Variants in SLC49A4 observed in about 807,000 individuals in gnomAD.
SLC49A4 encodes the protein solute carrier family 49 member 4.
SLC49A4 carries 36 observed loss-of-function variants against 50.6 expected under a neutral mutation model. That is an observed-to-expected ratio of 0.71 (90% CI 0.55 to 0.94). The LOEUF (loss-of-function observed/expected upper bound fraction) is 0.94. Ranked by LOEUF, SLC49A4 falls within the 40% of genes least tolerant of loss-of-function variation. The pLI is 0.00. For missense variants in SLC49A4, 503 were observed against 605.7 expected (o/e 0.83, Z 1.78); for synonymous variants, 248 against 241.2 (o/e 1.03, Z -0.26).
In SLC49A4 at chr3:122,843,183, T is replaced by C. The variant is rs1365580656; in HGVS notation, c.834-2580T>C. Reference sequence around the variant, plus strand: ...TTATGCCATATTGTGCATATCATTCTGTTTGACATTTTTCACTAAGCACTA... The same window carrying C: ...TTATGCCATATTGTGCATATCATTCCGTTTGACATTTTTCACTAAGCACTA... On this transcript the variant is annotated intron_variant, in intron 4 of 8. Transcript: ENST00000261038. Among the ~76,000 whole-genome samples the C allele has an allele frequency of 1.3e-5, 2 of 152,260 alleles. 1 individual carries two copies. Among genetic ancestry groups the C allele is most frequent in the African/African-American group, 4.8e-5 (2 of 41,466 alleles).
At chr3:122,843,462 T>C (rs1936803332) in intron 4 of SLC49A4, among the ~76,000 whole-genome samples, 1 of 152,214 alleles carries the variant, frequency 6.6e-6, no homozygotes, top group Admixed American at 6.5e-5. Flanking sequence ...TTTTAACATA[T>C]AGTGCCGTTA....
At position 122,880,454 on chromosome 3, in the gene SLC49A4, T is replaced by C. The variant is rs1320177783; in HGVS notation, c.*1076T>C. On this transcript the variant is annotated 3_prime_UTR_variant, in exon 9 of 9. Coordinates refer to ENST00000261038, the MANE Select transcript of SLC49A4 (RefSeq NM_032839.3). ...CTACAGAAGATAGCTTTTTAAGAAATAAGAGTTCCACATTGAGTGGCTGTC... is the reference window on the plus strand; with the variant it reads ...CTACAGAAGATAGCTTTTTAAGAAACAAGAGTTCCACATTGAGTGGCTGTC... 1 of 152,152 alleles carries C rather than the reference T, an allele frequency of 6.6e-6. No homozygotes were observed. Among genetic ancestry groups the C allele is most frequent in the Non-Finnish European group, 1.5e-5 (1 of 68,034 alleles). The allele number at this position is 152,152 out of a possible 1,614,324, so 9.4% of individuals were successfully genotyped here. A position where few individuals can be genotyped will look rare whatever the true frequency, so the allele number is the denominator to read the frequency against.
intron 6 of SLC49A4, 114 bp from the exon 7 acceptor site, chr3:122,859,957 ACTGT>A: frequency 1.1e-6 from 1 of 946,310 alleles, no homozygotes. Context: ...AACACTGAAA[ACTGT>A]CTTTTAAAAG....
intron 5 of SLC49A4, among the ~76,000 whole-genome samples, chr3:122,850,200 G>A (rs1286870431): frequency 6.6e-6 from 1 of 151,818 alleles, no homozygotes; most frequent in Non-Finnish European, 1.5e-5. Context: ...TCTAGCCAAC[G>A]ACTGTTTGAG....
At chr3:122,842,485 CAAAAAAAAAAAAAAAA>C (rs34914829) in intron 4 of SLC49A4, among the ~76,000 whole-genome samples, 1 of 58,758 alleles carries the variant, frequency 1.7e-5, no homozygotes, top group East Asian at 5.8e-4. Context: ...GACTCCGTCT[CAAAAAAAAAAAAAAAA>C]AAAAAAAAAA....
intron 3 of SLC49A4, among the ~76,000 whole-genome samples, chr3:122,829,474 C>G (rs888644516): frequency 4.6e-5 from 7 of 152,324 alleles, no homozygotes; most frequent in Non-Finnish European, 8.8e-5. Context: ...CACAAGAGGC[C>G]TGGCACAGTG....
intron 4 of SLC49A4, among the ~76,000 whole-genome samples, chr3:122,840,128 A>C (rs1384618301): frequency 6.6e-6 from 1 of 152,212 alleles, no homozygotes; most frequent in Non-Finnish European, 1.5e-5. Flanking sequence ...AAGTGAAGTA[A>C]CTCAGGAATG....
intron 7 of SLC49A4, among the ~76,000 whole-genome samples, chr3:122,867,058 T>C (rs1209918554): frequency 1.3e-5 from 2 of 152,244 alleles, no homozygotes; most frequent in Non-Finnish European, 2.9e-5. Context: ...AGCCTCCACG[T>C]AATAGGTATC....
At chr3:122,819,334 T>G (rs1030381915) in intron 2 of SLC49A4, among the ~76,000 whole-genome samples, 1 of 151,982 alleles carries the variant, frequency 6.6e-6, no homozygotes, top group African/African-American at 2.4e-5. Flanking sequence ...AAAGATTATA[T>G]GGTTAATAAA....
intron 6 of SLC49A4, among the ~76,000 whole-genome samples, chr3:122,856,588 G>A (rs982106125): frequency 1.3e-5 from 2 of 152,168 alleles, no homozygotes; most frequent in Admixed American, 6.5e-5. Context: ...TATAATCCTG[G>A]CACTTTGGGA....
intron 4 of SLC49A4, among the ~76,000 whole-genome samples, chr3:122,834,918 A>C (rs556328351): frequency 1.3e-5 from 2 of 152,300 alleles, no homozygotes; most frequent in Non-Finnish European, 2.9e-5. Flanking sequence ...GACTACTATG[A>C]ACACCTCTAT....
chr3:122,815,423 G>T (rs1194691499), intron 2 of SLC49A4, among the ~76,000 whole-genome samples: 1 of 152,154 alleles, frequency 6.6e-6, no homozygotes, highest in Non-Finnish European at 1.5e-5. Context: ...CCCATTGGTT[G>T]CAGACTTAAA....
chr3:122,868,463 G>A (rs1024397009), intron 7 of SLC49A4, among the ~76,000 whole-genome samples: 1 of 152,188 alleles, frequency 6.6e-6, no homozygotes. Context: ...TAATGATCAT[G>A]TAGTTTGAAC....
Position 122,856,276 on chromosome 3 carries a change from G to A in SLC49A4, c.943-31G>A, listed in dbSNP as rs539580938. The A allele has an allele frequency of 7.5e-6, 12 of 1,610,346 alleles. No individual in the cohort carries two copies. The East Asian group carries it at 8.9e-5, about 12-fold the overall frequency. On this transcript the variant is annotated intron_variant, in intron 5 of 8. Coordinates refer to ENST00000261038, the MANE Select transcript of SLC49A4 (RefSeq NM_032839.3). ...TTTTATATTGCAGTATGATTGTCTT[G>A]TATTAAATGTGTCTGCTTCTTTCTT... is the stretch of plus-strand genomic sequence containing the variant.
intron 5 of SLC49A4, among the ~76,000 whole-genome samples, chr3:122,846,084 G>A (rs1268885696): frequency 6.6e-6 from 1 of 152,104 alleles, no homozygotes; most frequent in African/African-American, 2.4e-5. Flanking sequence ...ATTTCTGTGG[G>A]CATTATTAAT....
rs776171104 is a variant in SLC49A4, at chr3:122,872,593, T to C, written c.1317T>C (p.His439=). 5.1e-6 allele frequency: 8 copies of C among 1,576,214 alleles called. No homozygotes were observed. The Admixed American group carries it at 7.2e-5, about 14-fold the overall frequency. ...GVLLFFLTFY[H]TELSWFNWCL... ...TTTTATTTTTTCTCACATTTTATCA[T>C]ACAGGTAAGAAATTTGATTTTTTAT... Residue 439 remains histidine, a synonymous_variant, in exon 8 of 9, where the codon CAT becomes CAC. Transcript: ENST00000261038.
At chr3:122,796,259 G>A (rs1936037824) in intron 1 of SLC49A4, among the ~76,000 whole-genome samples, 1 of 152,216 alleles carries the variant, frequency 6.6e-6, no homozygotes, top group Admixed American at 6.5e-5. Flanking sequence ...ATGGATAAAT[G>A]ATTAGTAGTG....
intron 1 of SLC49A4, among the ~76,000 whole-genome samples, chr3:122,799,676 G>C (rs1011515608): frequency 3.3e-5 from 5 of 152,212 alleles, no homozygotes; most frequent in African/African-American, 1.2e-4. Context: ...AGCCAGAACA[G>C]GGAGACAAGT....
rs140486271 is a variant in SLC49A4 at position 122,822,853 on chromosome 3, A to G, written c.438-3947A>G. 2.4e-3 allele frequency among the ~76,000 whole-genome samples: 373 copies of G among 152,270 alleles called. 3 individuals carry two copies. The highest frequency in any genetic ancestry group is 7.4e-3 in the African/African-American group (309 of 41,542). ...CTGCTTTTCTTAGCTTCTGGCCTAT[A>G]TTAGCCACATGTTAGATGTTTGCAC... On this transcript the variant is annotated intron_variant, in intron 2 of 8. Coordinates refer to ENST00000261038, the MANE Select transcript of SLC49A4 (RefSeq NM_032839.3).
Sources: gnomAD v4.1 joint callset for allele counts (sites outside exome capture counted in the v4.1 genomes callset) on GRCh38, gnomAD v4.1.1 for gene constraint, MANE v1.5 for transcripts, NCBI Gene and HGNC (gene_info 2026-07-23, HGNC 2026-07-21) for gene names.